Variants in GALNTL6 observed in about 807,000 individuals in gnomAD.
GALNTL6 encodes the protein polypeptide N-acetylgalactosaminyltransferase like 6.
A neutral mutation model predicts 73.7 loss-of-function variants in GALNTL6; 46 were observed. The ratio of observed to expected loss-of-function variants is 0.62; its 90% CI spans 0.49 to 0.80. GALNTL6 has a LOEUF of 0.80. Among genes scored for constraint, GALNTL6 ranks in the 30% least tolerant of loss-of-function variants. The pLI is 0.00. For missense variants in GALNTL6, 604 were observed against 755.0 expected (o/e 0.80, Z 2.34); for synonymous variants, 259 against 263.7 (o/e 0.98, Z 0.17).
chr4:172,924,143 A>G (rs1449435117), intron 8 of GALNTL6, among the ~76,000 whole-genome samples: 3 of 152,138 alleles, frequency 2.0e-5, no homozygotes, highest in Non-Finnish European at 4.4e-5. Flanking sequence ...TAAAAACCCA[A>G]TGCAGAACTC....
intron 5 of GALNTL6, among the ~76,000 whole-genome samples, chr4:172,462,393 T>C (rs1423769612): frequency 3.3e-5 from 5 of 152,154 alleles, no homozygotes; most frequent in African/African-American, 4.8e-5. Flanking sequence ...AAAAGTGTGC[T>C]TACCTATAGA....
chr4:172,291,061 A>T (rs1739455470), intron 3 of GALNTL6, among the ~76,000 whole-genome samples: 1 of 152,034 alleles, frequency 6.6e-6, no homozygotes, highest in Admixed American at 6.6e-5. Flanking sequence ...GAATAATAGA[A>T]GCTTATTATT....
chr4:172,659,160 T>TGA (rs1187930512), intron 5 of GALNTL6, among the ~76,000 whole-genome samples: 1 of 152,168 alleles, frequency 6.6e-6, no homozygotes, highest in Non-Finnish European at 1.5e-5. Context: ...TCACAGAGAG[T>TGA]GAAGGGTCAA....
chr4:171,932,788 T>C (rs144537491), intron 2 of GALNTL6, among the ~76,000 whole-genome samples: 1 of 152,332 alleles, frequency 6.6e-6, no homozygotes, highest in African/African-American at 2.4e-5. Context: ...CCAATTTCCT[T>C]ATTTTATACA....
chr4:172,023,599 CT>C (rs1319450190), intron 2 of GALNTL6, among the ~76,000 whole-genome samples: 4 of 151,816 alleles, frequency 2.6e-5, no homozygotes, highest in Admixed American at 6.6e-5. Flanking sequence ...CATTTCTTTT[CT>C]TTAACTACAA....
intron 4 of GALNTL6, among the ~76,000 whole-genome samples, chr4:172,331,269 A>T (rs1312144350): frequency 6.6e-6 from 1 of 151,900 alleles, no homozygotes; most frequent in Non-Finnish European, 1.5e-5. Context: ...AAAAAAAAAA[A>T]AAAGTAGTTT....
At chr4:172,071,989 C>T (rs1310425308) in intron 2 of GALNTL6, among the ~76,000 whole-genome samples, 1 of 152,112 alleles carries the variant, frequency 6.6e-6, no homozygotes, top group Admixed American at 6.5e-5. Flanking sequence ...GCTTGGCTTC[C>T]AAGATGGTTA....
At chr4:172,302,158 C>T (rs1016725521) in intron 3 of GALNTL6, among the ~76,000 whole-genome samples, 1 of 152,168 alleles carries the variant, frequency 6.6e-6, no homozygotes, top group South Asian at 2.1e-4. Context: ...GGGCGTAGGA[C>T]CCTCCGAGCC....
chr4:172,415,368 A>G (rs976928680), intron 5 of GALNTL6, among the ~76,000 whole-genome samples: 9 of 152,084 alleles, frequency 5.9e-5, no homozygotes, highest in African/African-American at 1.7e-4. Flanking sequence ...TCCTCTTCAT[A>G]TTCTATGTCC....
intron 5 of GALNTL6, among the ~76,000 whole-genome samples, chr4:172,790,014 C>T (rs1739902833): frequency 6.6e-6 from 1 of 152,224 alleles, no homozygotes; most frequent in Admixed American, 6.5e-5. Flanking sequence ...CCTCAAGGAG[C>T]TCAGATTCTG....
intron 5 of GALNTL6, among the ~76,000 whole-genome samples, chr4:172,651,911 A>C (rs1413549742): frequency 6.6e-6 from 1 of 152,208 alleles, no homozygotes; most frequent in African/African-American, 2.4e-5. Flanking sequence ...CCGAATTCAT[A>C]CCACCATTAT....
chr4:172,401,377 A>G (rs966726757), intron 5 of GALNTL6, among the ~76,000 whole-genome samples: 9 of 152,112 alleles, frequency 5.9e-5, no homozygotes, highest in Non-Finnish European at 1.0e-4. Flanking sequence ...GCAAAGGAGA[A>G]AATAAAGCTA....
chr4:172,916,323 T>C (rs1305621742), intron 8 of GALNTL6, among the ~76,000 whole-genome samples: 1 of 152,198 alleles, frequency 6.6e-6, no homozygotes. Context: ...AGCATTCCCT[T>C]TGAAAACTGG....
At chr4:172,398,985 CT>C (rs1743945340) in intron 5 of GALNTL6, among the ~76,000 whole-genome samples, 2 of 151,852 alleles carry the variant, frequency 1.3e-5, no homozygotes. Flanking sequence ...AAAAATCAAC[CT>C]TTTAGTTGTG....
At chr4:171,905,511 C>A (rs1737247798) in intron 2 of GALNTL6, among the ~76,000 whole-genome samples, 1 of 150,402 alleles carries the variant, frequency 6.6e-6, no homozygotes, top group Non-Finnish European at 1.5e-5. Flanking sequence ...GAGTGACCTA[C>A]AAAGAGACTT....
chr4:171,966,173 T>C (rs1005024518), intron 2 of GALNTL6, among the ~76,000 whole-genome samples: 6 of 152,116 alleles, frequency 3.9e-5, no homozygotes, highest in African/African-American at 1.4e-4. Flanking sequence ...ATAGGGGAGA[T>C]CCTAAACTGA....
At chr4:172,917,565 A>C (rs1747587854) in intron 8 of GALNTL6, among the ~76,000 whole-genome samples, 1 of 152,198 alleles carries the variant, frequency 6.6e-6, no homozygotes, top group South Asian at 2.1e-4. Context: ...AAAAACAAAC[A>C]ACCCCATCAA....
intron 5 of GALNTL6, among the ~76,000 whole-genome samples, chr4:172,538,034 G>C (rs763011591): frequency 6.6e-6 from 1 of 152,144 alleles, no homozygotes; most frequent in East Asian, 1.9e-4. Flanking sequence ...AAGCACCAAG[G>C]TGAGGGTTGC....
intron 5 of GALNTL6, among the ~76,000 whole-genome samples, chr4:172,532,906 A>G (rs1466424166): frequency 6.6e-6 from 1 of 152,222 alleles, no homozygotes; most frequent in African/African-American, 2.4e-5. Context: ...GAGATTGCAT[A>G]ATATTGTTAT....
Sources: gnomAD v4.1 joint callset for allele counts (sites outside exome capture counted in the v4.1 genomes callset) on GRCh38, gnomAD v4.1.1 for gene constraint, MANE v1.5 for transcripts, NCBI Gene and HGNC (gene_info 2026-07-23, HGNC 2026-07-21) for gene names.